Variants in BCL7C observed in about 807,000 individuals in gnomAD.
BCL7C encodes the protein BAF chromatin remodeling complex subunit BCL7C.
BCL7C carries 8 observed loss-of-function variants against 26.2 expected under a neutral mutation model. The observed-to-expected ratio is 0.30, with a 90% CI of 0.18 to 0.55. The LOEUF (loss-of-function observed/expected upper bound fraction) is 0.55. Ranked by LOEUF, BCL7C falls within the 20% of genes least tolerant of loss-of-function variation. The pLI, the probability that BCL7C is intolerant of heterozygous loss-of-function variation, is 0.93. For missense variants in BCL7C, 262 were observed against 298.5 expected, an observed-to-expected ratio of 0.88 and a Z score of 0.90; for synonymous variants, 90 against 116.5, an observed-to-expected ratio of 0.77 and a Z score of 1.47.
chr16:30,862,094 C>T (rs2054780384), intron 5 of BCL7C, among the ~76,000 whole-genome samples: 1 of 152,000 alleles, frequency 6.6e-6, no homozygotes, highest in Non-Finnish European at 1.5e-5. Context: ...CCTCGGCCTC[C>T]CAAAGTGCTG....
chr16:30,872,678 A>T (rs1165379137), intron 5 of BCL7C, among the ~76,000 whole-genome samples: 1 of 152,160 alleles, frequency 6.6e-6, no homozygotes, highest in Non-Finnish European at 1.5e-5. Flanking sequence ...GGTAGTGGCC[A>T]GAGTCCCCTC....
At chr16:30,862,291 A>C (rs200517058) in intron 5 of BCL7C, among the ~76,000 whole-genome samples, 83 of 149,038 alleles carry the variant, frequency 5.6e-4, no homozygotes, top group African/African-American at 1.1e-3. Context: ...TTATTCTGTT[A>C]TGGATCTCAA....
At chr16:30,850,444 C>A (rs1402087396) in intron 5 of BCL7C, among the ~76,000 whole-genome samples, 1 of 151,990 alleles carries the variant, frequency 6.6e-6, no homozygotes, top group Non-Finnish European at 1.5e-5. Flanking sequence ...GTGTCATGGG[C>A]GATTTTGTCA....
chr16:30,836,793 A>ATT (rs564433973), intron 5 of BCL7C, among the ~76,000 whole-genome samples: 2 of 137,624 alleles, frequency 1.5e-5, no homozygotes, highest in African/African-American at 5.3e-5. Flanking sequence ...ATCTCTTTGT[A>ATT]TTTTTTTTTT....
At chr16:30,864,934 C>T (rs530324410) in intron 5 of BCL7C, among the ~76,000 whole-genome samples, 3 of 146,326 alleles carry the variant, frequency 2.1e-5, no homozygotes, top group South Asian at 4.4e-4. Context: ...TTTGGGAGGC[C>T]GAGGTTGGCG....
At chr16:30,837,491 G>A (rs1220312457) in intron 5 of BCL7C, among the ~76,000 whole-genome samples, 1 of 152,028 alleles carries the variant, frequency 6.6e-6, no homozygotes, top group Non-Finnish European at 1.5e-5. Flanking sequence ...GGGATTACAG[G>A]CGCCCACCAC....
intron 5 of BCL7C, among the ~76,000 whole-genome samples, chr16:30,866,355 T>C (rs1241302066): frequency 6.6e-6 from 1 of 152,062 alleles, no homozygotes; most frequent in Non-Finnish European, 1.5e-5. Context: ...GGTGGGTGGA[T>C]CACTTGAGGT....
chr16:30,882,632 T>G (rs80282927), intron 5 of BCL7C, among the ~76,000 whole-genome samples: 2,159 of 152,226 alleles, frequency 0.014, 70 homozygotes, highest in African/African-American at 0.049. Context: ...AGAGAGTGAC[T>G]GCAGGTGTGG....
chr16:30,836,393 G>A (rs1261884590), intron 5 of BCL7C, among the ~76,000 whole-genome samples: 2 of 151,924 alleles, frequency 1.3e-5, no homozygotes, highest in Admixed American at 1.3e-4. Flanking sequence ...GATCACTTTA[G>A]CCTGAGAGGT....
At chr16:30,877,343 C>T (rs2054965307) in intron 5 of BCL7C, among the ~76,000 whole-genome samples, 1 of 152,198 alleles carries the variant, frequency 6.6e-6, no homozygotes, top group African/African-American at 2.4e-5. Context: ...ACACATAGCT[C>T]ACTGTAGCCT....
chr16:30,839,042 A>G (rs138033233), intron 5 of BCL7C, among the ~76,000 whole-genome samples: 17 of 152,342 alleles, frequency 1.1e-4, no homozygotes, highest in South Asian at 4.1e-4. Flanking sequence ...CACAGGATCT[A>G]CTGAGATCAA....
intron 5 of BCL7C, among the ~76,000 whole-genome samples, chr16:30,862,992 T>C (rs1193628501): frequency 6.6e-6 from 1 of 152,158 alleles, no homozygotes; most frequent in Non-Finnish European, 1.5e-5. Context: ...GGAATTTTTA[T>C]ACAAGAGCTG....
intron 5 of BCL7C, among the ~76,000 whole-genome samples, chr16:30,878,678 A>G (rs1311367504): frequency 1.3e-5 from 2 of 150,114 alleles, no homozygotes; most frequent in South Asian, 2.1e-4. Flanking sequence ...CCCAGTCTCT[A>G]CTAAAAATAC....
At chr16:30,851,573 G>A (rs2054675181) in intron 5 of BCL7C, 1 of 356,188 alleles carries the variant, frequency 2.8e-6, no homozygotes, top group South Asian at 4.3e-5. Context: ...GCGATGTGTG[G>A]TTGTTGTCAT....
At chr16:30,862,925 C>T (rs1185696736) in intron 5 of BCL7C, among the ~76,000 whole-genome samples, 2 of 151,036 alleles carry the variant, frequency 1.3e-5, no homozygotes, top group East Asian at 3.9e-4. Context: ...CTAGCTCTCC[C>T]TAATTCATCC....
intron 5 of BCL7C, among the ~76,000 whole-genome samples, chr16:30,879,593 C>A (rs746109240): frequency 6.7e-6 from 1 of 149,624 alleles, no homozygotes; most frequent in African/African-American, 2.5e-5. Flanking sequence ...TGGTGGCTCA[C>A]GCCTGTAATC....
intron 5 of BCL7C, among the ~76,000 whole-genome samples, chr16:30,845,559 C>T (rs955355658): frequency 9.2e-5 from 14 of 152,196 alleles, no homozygotes; most frequent in African/African-American, 1.9e-4. Context: ...TAGGAGGTCT[C>T]ATTTGGTGAG....
At chr16:30,845,208 G>A (rs149988732) in intron 5 of BCL7C, among the ~76,000 whole-genome samples, 1 of 152,288 alleles carries the variant, frequency 6.6e-6, no homozygotes, top group African/African-American at 2.4e-5. Context: ...CTGAACTCTG[G>A]CAGAGCACGC....
intron 5 of BCL7C, among the ~76,000 whole-genome samples, chr16:30,862,423 A>T (rs768725709): frequency 1.3e-5 from 2 of 152,204 alleles, no homozygotes; most frequent in Non-Finnish European, 2.9e-5. Context: ...GCAAGGCTGC[A>T]GGGACGGCCC....
Sources: allele counts gnomAD v4.1 joint callset (sites outside exome capture counted in the v4.1 genomes callset), GRCh38; gene constraint gnomAD v4.1.1; transcripts MANE v1.5; gene names NCBI Gene and HGNC (gene_info 2026-07-23, HGNC 2026-07-21).